The following NIPBL variants were observed in gnomAD, a reference collection of about 807,000 sequenced individuals.
NIPBL encodes NIPBL cohesin loading factor.
A neutral mutation model predicts 321.8 loss-of-function variants in NIPBL; 19 were observed. The ratio of observed to expected loss-of-function variants is 0.06; its 90% CI spans 0.04 to 0.09. The LOEUF is 0.09. NIPBL is among the 10% of genes least tolerant of loss of function. The pLI is 1.00. For synonymous variants in NIPBL, 1,106 were observed against 1,114.1 expected (o/e 0.99, Z 0.14); for missense variants, 2,210 against 3,327.0 (o/e 0.66, Z 8.26).
chr5:36,917,408 A>G (rs959105388), intron 1 of NIPBL, among the ~76,000 whole-genome samples: 2 of 152,010 alleles, frequency 1.3e-5, no homozygotes, highest in Admixed American at 1.3e-4. Context: ...AGATGAGTGG[A>G]TTGCAAAAAT....
chr5:37,041,417 C>T (rs1455576272), intron 34 of NIPBL, among the ~76,000 whole-genome samples: 4 of 151,598 alleles, frequency 2.6e-5, no homozygotes, highest in Non-Finnish European at 5.9e-5. Context: ...GTGCACACCA[C>T]CACACCTGGC....
intron 1 of NIPBL, among the ~76,000 whole-genome samples, chr5:36,917,441 C>G (rs1267730292): frequency 2.0e-5 from 3 of 152,140 alleles, no homozygotes; most frequent in Admixed American, 6.5e-5. Flanking sequence ...TGTAGGTTGC[C>G]TCTTCACTCT....
chr5:36,892,108 A>G (rs1320443315), intron 1 of NIPBL, among the ~76,000 whole-genome samples: 1 of 152,222 alleles, frequency 6.6e-6, no homozygotes, highest in Non-Finnish European at 1.5e-5. Flanking sequence ...ACTAATGATT[A>G]TTTGGAAATG....
chr5:37,038,948 A>T (rs1218907728), intron 34 of NIPBL, among the ~76,000 whole-genome samples: 1 of 152,176 alleles, frequency 6.6e-6, no homozygotes, highest in Non-Finnish European at 1.5e-5. Flanking sequence ...CCTCAAGCCA[A>T]ACCCTCAGTA....
intron 20 of NIPBL, 23 bp downstream of exon 20, chr5:37,008,746 A>C: frequency 9.0e-7 from 1 of 1,108,242 alleles, no homozygotes; most frequent in Non-Finnish European, 1.4e-6. Context: ...AACAGAGGTC[A>C]AGTTTAATGA....
At chr5:36,893,065 A>C (rs956796984) in intron 1 of NIPBL, among the ~76,000 whole-genome samples, 1 of 152,212 alleles carries the variant, frequency 6.6e-6, no homozygotes, top group Non-Finnish European at 1.5e-5. Flanking sequence ...TTAGAATAAC[A>C]TAATGAATGT....
chr5:37,016,463 A>G (rs1489098146), intron 23 of NIPBL, among the ~76,000 whole-genome samples: 1 of 151,952 alleles, frequency 6.6e-6, no homozygotes, highest in Non-Finnish European at 1.5e-5. Flanking sequence ...GTCATAAGTT[A>G]CTCATTTCAA....
chr5:37,045,749 C>G (rs532433220), intron 37 of NIPBL, 152 bp downstream of exon 37: 2 of 784,692 alleles, frequency 2.5e-6, no homozygotes, highest in East Asian at 2.5e-5. Flanking sequence ...ACGTGGTCCT[C>G]AGACTGGCTG....
In NIPBL at chr5:36,986,817, G is replaced by A. The variant is rs183679527; in HGVS notation, c.3121+516G>A. ...TTTTAAAACATATCTTTTTGTCCTT[G>A]TTTATGCAAAGGTAATAGGGAATGG... On this transcript the variant is annotated intron_variant, in intron 10 of 46. Transcript: ENST00000282516. Among the ~76,000 whole-genome samples the A allele has an allele frequency of 1.7e-3, 261 of 152,136 alleles. 2 individuals carry two copies. The highest frequency in any genetic ancestry group is 1.8e-4 in the Non-Finnish European group (12 of 67,988).
Position 37,024,519 on chromosome 5 carries a change from T to C in NIPBL, c.5575-66T>C, listed in dbSNP as rs540335895. ...TGAATATACTGCGTATGGATACTTA[T>C]TTTCTAATTTCATACACTAGGCATC... On this transcript the variant is annotated intron_variant, in intron 29 of 46. Transcript: ENST00000282516. 40 of 1,378,304 alleles carry C rather than the reference T, an allele frequency of 2.9e-5. No individual in the cohort carries two copies. The African/African-American group carries it at 3.3e-4, about 11-fold the overall frequency. The allele number at this position is 1,378,304 out of a possible 1,614,324, so 85.4% of individuals were successfully genotyped here. A position where few individuals can be genotyped will look rare whatever the true frequency, so the allele number is the denominator to read the frequency against.
rs569891693 is a variant in NIPBL at position 36,956,108 on chromosome 5, G to A, written c.230+471G>A. On this transcript the variant is annotated intron_variant, in intron 3 of 46. Coordinates refer to ENST00000282516, the MANE Select transcript of NIPBL (RefSeq NM_133433.4). ...TAGCCAGGCGTGGTGGCGGGCGCCTGTAGTCCCAGCTACTCGGGAGGCTGA... is the reference window on the plus strand; with the variant it reads ...TAGCCAGGCGTGGTGGCGGGCGCCTATAGTCCCAGCTACTCGGGAGGCTGA... 4.6e-5 allele frequency among the ~76,000 whole-genome samples: 7 copies of A among 151,662 alleles called. No individual in the cohort carries two copies. The South Asian group carries it at 1.5e-3, about 32-fold the overall frequency.
chr5:36,960,393 A>G (rs1203207283), intron 4 of NIPBL, among the ~76,000 whole-genome samples: 1 of 151,832 alleles, frequency 6.6e-6, no homozygotes, highest in Non-Finnish European at 1.5e-5. Context: ...AACCTCCAGC[A>G]ACAATAATTA....
chr5:36,958,929 G>A (rs1270105023), intron 4 of NIPBL, among the ~76,000 whole-genome samples: 1 of 152,058 alleles, frequency 6.6e-6, no homozygotes, highest in Non-Finnish European at 1.5e-5. Flanking sequence ...TTTATCAGCC[G>A]GGCATGGTGA....
intron 1 of NIPBL, among the ~76,000 whole-genome samples, chr5:36,877,541 G>C (rs1745183748): frequency 6.6e-6 from 1 of 152,218 alleles, no homozygotes; most frequent in African/African-American, 2.4e-5. Flanking sequence ...GAGTGGAGCC[G>C]TAGCTAGTGG....
At position 37,003,249 on chromosome 5, in the gene NIPBL, T is replaced by C; in HGVS notation, c.3769-12T>C. 1 of 1,433,544 alleles carries C rather than the reference T, an allele frequency of 7.0e-7. No homozygotes were observed. Among genetic ancestry groups the C allele is most frequent in the East Asian group, 2.3e-5 (1 of 43,908 alleles). 88.8% of individuals were successfully genotyped at this position (1,433,544 alleles called of 1,614,324 possible). A position where few individuals can be genotyped will look rare whatever the true frequency, so the allele number is the denominator to read the frequency against. ...ACCAACGATTGATAAAGAATTTATA[T>C]TGCTATTTTAGCTTTCAACTGACAA... On this transcript the variant is annotated splice_polypyrimidine_tract_variant and intron_variant, in intron 15 of 46. Coordinates refer to ENST00000282516, the MANE Select transcript of NIPBL (RefSeq NM_133433.4).
rs1580120045 is a variant in NIPBL at position 36,876,868 on chromosome 5, G to C, written c.-390G>C. 3.9e-5 allele frequency: 2 copies of C among 51,708 alleles called. No individual in the cohort carries two copies. The highest frequency in any genetic ancestry group is 7.4e-4 in the East Asian group (2 of 2,692). The allele number at this position is 51,708 out of a possible 1,614,324, so 3.2% of individuals were successfully genotyped here. On this transcript the variant is annotated 5_prime_UTR_variant, in exon 1 of 47. Transcript: ENST00000282516. ...TCCCTCCGTCGGTACCGACTCACCC[G>C]ACACCACCAAGCCGCAGGGAGGGAC...
intron 1 of NIPBL, among the ~76,000 whole-genome samples, chr5:36,908,039 A>G (rs987269244): frequency 6.6e-6 from 1 of 152,170 alleles, no homozygotes; most frequent in African/African-American, 2.4e-5. Context: ...AGCAAAACCA[A>G]TATATTTGTT....
At chr5:36,958,361 A>AGG in intron 4 of NIPBL, 130 bp downstream of exon 4, 1 of 820,352 alleles carries the variant, frequency 1.2e-6, no homozygotes, top group Non-Finnish European at 2.0e-6. Context: ...AAGAACAAGA[A>AGG]GGAAACTAAA....
intron 1 of NIPBL, among the ~76,000 whole-genome samples, chr5:36,896,174 T>G (rs1746720357): frequency 6.6e-6 from 1 of 152,248 alleles, no homozygotes; most frequent in African/African-American, 2.4e-5. Flanking sequence ...CATTACCATT[T>G]GTTGAAAAGA....
Sources: allele counts gnomAD v4.1 joint callset (sites outside exome capture counted in the v4.1 genomes callset), GRCh38; gene constraint gnomAD v4.1.1; transcripts MANE v1.5; gene names NCBI Gene and HGNC (gene_info 2026-07-23, HGNC 2026-07-21).